DOCK1: variants seen among roughly 807,000 people sequenced by gnomAD.
The protein encoded by DOCK1 is dedicator of cytokinesis 1.
DOCK1 carries 138 observed loss-of-function variants against 262.7 expected under a neutral mutation model. That is an observed-to-expected ratio of 0.53 (90% CI 0.46 to 0.61). The LOEUF (loss-of-function observed/expected upper bound fraction) is 0.61, where lower values mean the gene tolerates loss of function less well. Among genes scored for constraint, DOCK1 ranks in the 20% least tolerant of loss-of-function variants. The pLI is 0.00. For missense variants in DOCK1, 1,908 were observed against 2,370.7 expected, an observed-to-expected ratio of 0.80 and a Z score of 4.05; for synonymous variants, 866 against 867.4, an observed-to-expected ratio of 1.00 and a Z score of 0.03.
In DOCK1 at chr10:127,175,891, T is replaced by C. The variant is rs529533671; in HGVS notation, c.2847+48127T>C. The C allele has an allele frequency of 1.2e-6, 2 of 1,614,200 alleles. No individual in the cohort carries two copies. The highest frequency in any genetic ancestry group is 4.5e-5 in the East Asian group (2 of 44,876). On this transcript the variant is annotated intron_variant, in intron 27 of 51. Coordinates refer to ENST00000623213, the MANE Select transcript of DOCK1 (RefSeq NM_001290223.2). This position sits in a 1 kb window ranked among gnomAD's most constrained non-coding sequence, Gnocchi z 6.3. ...GAATGGAAAACCAAGGCTGTGGTCT[T>C]GTGCACCCGCCCCGCGCCACATGGC...
intron 11 of DOCK1, among the ~76,000 whole-genome samples, chr10:127,010,483 A>G (rs2041345580): frequency 6.6e-6 from 1 of 152,210 alleles, no homozygotes; most frequent in Admixed American, 6.5e-5. Flanking sequence ...AATAGTAATT[A>G]GAATGAAGTA....
chr10:127,224,153 A>C (rs1199911414), intron 27 of DOCK1, among the ~76,000 whole-genome samples: 1 of 152,108 alleles, frequency 6.6e-6, no homozygotes, highest in African/African-American at 2.4e-5. Flanking sequence ...TCCATGGAAA[A>C]CCAGTTTTTT....
intron 22 of DOCK1, among the ~76,000 whole-genome samples, chr10:127,057,968 A>G (rs1179493836): frequency 1.3e-5 from 2 of 152,156 alleles, no homozygotes; most frequent in East Asian, 3.9e-4. Flanking sequence ...ATTTATCGAT[A>G]AGTTTCTGAG....
At chr10:127,072,018 T>C (rs2046261305) in intron 23 of DOCK1, among the ~76,000 whole-genome samples, 1 of 152,166 alleles carries the variant, frequency 6.6e-6, no homozygotes, top group Admixed American at 6.5e-5. Context: ...GAACTTATTT[T>C]CTTCTCCCAC....
chr10:127,361,982 T>C, intron 32 of DOCK1, 82 bp from the exon 33 acceptor site: 1 of 1,390,810 alleles, frequency 7.2e-7, no homozygotes, highest in Non-Finnish European at 9.6e-7. Flanking sequence ...CAGTGATCTG[T>C]GTTGTGTTGT....
chr10:127,365,626 T>A (rs573152798), intron 33 of DOCK1, among the ~76,000 whole-genome samples: 4 of 152,330 alleles, frequency 2.6e-5, no homozygotes, highest in Non-Finnish European at 5.9e-5. Flanking sequence ...ATCATTCTAT[T>A]TGTCATTTTT....
intron 1 of DOCK1, among the ~76,000 whole-genome samples, chr10:126,948,975 C>T (rs1301564101): frequency 1.3e-5 from 2 of 152,112 alleles, no homozygotes; most frequent in Non-Finnish European, 2.9e-5. Flanking sequence ...TTTCAGTGGC[C>T]CGGGCCCACC....
At chr10:127,281,307 A>G (rs1013772090) in intron 29 of DOCK1, among the ~76,000 whole-genome samples, 1 of 152,218 alleles carries the variant, frequency 6.6e-6, no homozygotes, top group Admixed American at 6.5e-5. Context: ...GCAAATTGTA[A>G]TGGGCTCAAG....
At chr10:127,184,662 A>G (rs1197636180) in intron 27 of DOCK1, among the ~76,000 whole-genome samples, 1 of 152,092 alleles carries the variant, frequency 6.6e-6, no homozygotes, top group Non-Finnish European at 1.5e-5. Flanking sequence ...GGCTACTCAG[A>G]AATGCTCCAT....
At chr10:127,179,657 T>A (rs1414106650) in intron 27 of DOCK1, among the ~76,000 whole-genome samples, 1 of 152,148 alleles carries the variant, frequency 6.6e-6, no homozygotes, top group Non-Finnish European at 1.5e-5. Flanking sequence ...GGGTAAGGCT[T>A]ACAGTGATTA....
At chr10:127,335,995 T>C (rs1166723570) in intron 29 of DOCK1, among the ~76,000 whole-genome samples, 1 of 151,832 alleles carries the variant, frequency 6.6e-6, no homozygotes, top group African/African-American at 2.4e-5. Flanking sequence ...GGATTACAGG[T>C]GTGAGCCACC....
chr10:127,164,463 G>A (rs1371627825), intron 27 of DOCK1, among the ~76,000 whole-genome samples: 3 of 152,080 alleles, frequency 2.0e-5, no homozygotes, highest in Non-Finnish European at 4.4e-5. Flanking sequence ...GATTACAGGC[G>A]TGAGCCACTG....
intron 1 of DOCK1, among the ~76,000 whole-genome samples, chr10:126,940,258 G>A (rs2034885286): frequency 6.6e-6 from 1 of 152,192 alleles, no homozygotes; most frequent in Admixed American, 6.5e-5. Context: ...TTAATTTGCA[G>A]TTGGGAGTTG....
At chr10:127,302,853 T>G (rs1029410459) in intron 29 of DOCK1, among the ~76,000 whole-genome samples, 1 of 151,522 alleles carries the variant, frequency 6.6e-6, no homozygotes, top group African/African-American at 2.4e-5. Flanking sequence ...GCATGAAATA[T>G]GGACAGCAGA....
chr10:127,275,973 G>A (rs569813250), intron 29 of DOCK1, among the ~76,000 whole-genome samples: 4 of 152,356 alleles, frequency 2.6e-5, no homozygotes, highest in East Asian at 1.9e-4. Context: ...AGATCCCTGC[G>A]GCTCATGCTG....
chr10:127,349,973 T>C (rs2063807151), intron 31 of DOCK1, among the ~76,000 whole-genome samples: 1 of 152,184 alleles, frequency 6.6e-6, no homozygotes, highest in South Asian at 2.1e-4. Context: ...AGACTCTATT[T>C]CCAAATAAGG....
intron 32 of DOCK1, among the ~76,000 whole-genome samples, chr10:127,356,407 A>C (rs1472159379): frequency 1.3e-5 from 2 of 152,172 alleles, no homozygotes; most frequent in Admixed American, 6.5e-5. Context: ...AAACTCAATA[A>C]TTCTATGACA....
chr10:127,064,437 G>A (rs1290032055), intron 23 of DOCK1, among the ~76,000 whole-genome samples: 1 of 152,224 alleles, frequency 6.6e-6, no homozygotes, highest in East Asian at 1.9e-4. Flanking sequence ...GATAAGCATG[G>A]TCTCCAGCTA....
chr10:127,018,101 C>T (rs543868417), intron 12 of DOCK1, among the ~76,000 whole-genome samples: 5 of 152,268 alleles, frequency 3.3e-5, no homozygotes, highest in East Asian at 3.9e-4. Flanking sequence ...GAGCCGAGAG[C>T]GGCTGGGGCT....
Sources: allele counts gnomAD v4.1 joint callset (sites outside exome capture counted in the v4.1 genomes callset), GRCh38; gene constraint gnomAD v4.1.1; non-coding constraint Gnocchi (gnomAD v3.1); transcripts MANE v1.5; gene names NCBI Gene and HGNC (gene_info 2026-07-23, HGNC 2026-07-21).